DDR1: variants seen among roughly 807,000 people sequenced by gnomAD.
DDR1 encodes the protein discoidin domain receptor tyrosine kinase 1.
DDR1 carries 64 observed loss-of-function variants against 97.4 expected under a neutral mutation model. That is an observed-to-expected ratio of 0.66 (90% CI 0.54 to 0.81). The LOEUF is 0.81. Ranked by LOEUF, DDR1 falls within the 30% of genes least tolerant of loss-of-function variation. The probability of loss-of-function intolerance (pLI) is 0.00; values close to 1 mark genes in which losing one functional copy is unlikely to be tolerated. For synonymous variants in DDR1, 458 were observed against 503.7 expected, an observed-to-expected ratio of 0.91 and a Z score of 1.21; for missense variants, 990 against 1,259.6, an observed-to-expected ratio of 0.79 and a Z score of 3.24.
chr6:30,888,283 A>G lies in DDR1; in HGVS notation c.-42-405A>G, dbSNP rs1371821666. 1 of 168,638 alleles carries G rather than the reference A, an allele frequency of 5.9e-6. No individual in the cohort carries two copies. The highest frequency in any genetic ancestry group is 1.3e-5 in the Non-Finnish European group (1 of 79,454). The allele number at this position is 168,638 out of a possible 1,614,324, so 10.4% of individuals were successfully genotyped here. A position where few individuals can be genotyped will look rare whatever the true frequency, so the allele number is the denominator to read the frequency against. Reference sequence around the variant, plus strand: ...GGGGCCTTAGTTTATTGTAGTTATTAAACCTTTTCCTGTTGTATGTGTTAT... The same window carrying G: ...GGGGCCTTAGTTTATTGTAGTTATTGAACCTTTTCCTGTTGTATGTGTTAT... On this transcript the variant is annotated intron_variant, in intron 1 of 17. Transcript: ENST00000376568. The surrounding 1 kb of genome is among the most constrained non-coding windows in gnomAD (Gnocchi z 4.2).
chr6:30,892,790 TAAA>T (rs1231123197), intron 8 of DDR1: 18 of 587,692 alleles, frequency 3.1e-5, no homozygotes, highest in Non-Finnish European at 5.2e-5. Context: ...TACTGGTTGT[TAAA>T]ATATTGAAAT....
chr6:30,888,663 G>T lies in DDR1; in HGVS notation c.-42-25G>T, dbSNP rs751312505. 23 of 1,595,112 alleles carry T rather than the reference G, an allele frequency of 1.4e-5. No individual in the cohort carries two copies. Among genetic ancestry groups the T allele is most frequent in the Non-Finnish European group, 1.8e-5 (21 of 1,171,156 alleles). On this transcript the variant is annotated intron_variant, in intron 1 of 17. Coordinates refer to ENST00000376568, the MANE Select transcript of DDR1 (RefSeq NM_001297654.2). This position sits in a 1 kb window ranked among gnomAD's most constrained non-coding sequence, Gnocchi z 4.2. ...TGACTCAGTCCCCTGATTAACTTAC[G>T]CACCACCCATTTTATCCCCTGCAGA...
At position 30,899,477 on chromosome 6, in the gene DDR1, C is replaced by T; in HGVS notation, c.*181C>T. 1.5e-6 allele frequency: 1 copy of T among 685,654 alleles called. No individual in the cohort carries two copies. Among genetic ancestry groups the T allele is most frequent in the East Asian group, 2.8e-5 (1 of 36,086 alleles). 42.5% of individuals were successfully genotyped at this position (685,654 alleles called of 1,614,324 possible). ...GGGAGCTGATGCCCCTTCTCCCCTT[C>T]CTGGACACACTCTCATGTCCCCTTC... On this transcript the variant is annotated 3_prime_UTR_variant, in exon 18 of 18. Transcript: ENST00000376568.
Position 30,899,389 on chromosome 6 carries a change from C to A in DDR1, c.*93C>A. The A allele has an allele frequency of 1.3e-6, 2 of 1,483,364 alleles. No individual in the cohort carries two copies. The highest frequency in any genetic ancestry group is 1.4e-5 in the African/African-American group (1 of 71,558). The allele number at this position is 1,483,364 out of a possible 1,614,324, so 91.9% of individuals were successfully genotyped here. On this transcript the variant is annotated 3_prime_UTR_variant, in exon 18 of 18. Coordinates refer to ENST00000376568, the MANE Select transcript of DDR1 (RefSeq NM_001297654.2). ...GACACAATGGCACCTCTGCCCTTCCCCTCCCGACAGCCCATCACCTCTAAT... is the reference window on the plus strand; with the variant it reads ...GACACAATGGCACCTCTGCCCTTCCACTCCCGACAGCCCATCACCTCTAAT...
chr6:30,893,252 G>A lies in DDR1; in HGVS notation c.1196-20G>A, dbSNP rs925145979. ...TAGGGTGGGACCCTCCTGTGGTGCT[G>A]ACCCTGCTGCCTCCACCAGAGCTGG... On this transcript the variant is annotated intron_variant, in intron 9 of 17. Coordinates refer to ENST00000376568, the MANE Select transcript of DDR1 (RefSeq NM_001297654.2). 4.4e-6 allele frequency: 7 copies of A among 1,601,952 alleles called. No homozygotes were observed. The African/African-American group carries it at 5.3e-5, about 12-fold the overall frequency.
At position 30,899,330 on chromosome 6, in the gene DDR1, G is replaced by T; in HGVS notation, c.*34G>T. The T allele has an allele frequency of 6.3e-7, 1 of 1,579,424 alleles. No homozygotes were observed. Among genetic ancestry groups the T allele is most frequent in the Non-Finnish European group, 8.6e-7 (1 of 1,161,158 alleles). ...TCCAGCTGCCCCTCCCTCAGGGAGCGATCCAGGGGAAGCCAGTGACACTAA... is the reference window on the plus strand; with the variant it reads ...TCCAGCTGCCCCTCCCTCAGGGAGCTATCCAGGGGAAGCCAGTGACACTAA... On this transcript the variant is annotated 3_prime_UTR_variant, in exon 18 of 18. Transcript: ENST00000376568.
Position 30,896,963 on chromosome 6 carries a change from G to A in DDR1, c.1870-51G>A, listed in dbSNP as rs540937910. On this transcript the variant is annotated intron_variant, in intron 13 of 17. Coordinates refer to ENST00000376568, the MANE Select transcript of DDR1 (RefSeq NM_001297654.2). Reference sequence around the variant, plus strand: ...AGGAACCTTAGTCATTTGTAACCGTGTTAATCCGTTTGACCCTGTGACCGC... The same window carrying A: ...AGGAACCTTAGTCATTTGTAACCGTATTAATCCGTTTGACCCTGTGACCGC... 1.8e-5 allele frequency: 28 copies of A among 1,590,382 alleles called. No individual in the cohort carries two copies. In the South Asian group the frequency reaches 2.6e-4, roughly 15 times the overall value.
rs758159533 is a variant in DDR1 at position 30,895,481 on chromosome 6, A to G, written c.1591A>G (p.Thr531Ala). 5 of 1,600,292 alleles carry G rather than the reference A, an allele frequency of 3.1e-6. No homozygotes were observed. The highest frequency in any genetic ancestry group is 4.2e-6 in the Non-Finnish European group (5 of 1,176,606). ...ARPPRGPGPP[T>A]PAWAKPTNTQ... is the part of the protein sequence containing the mutation. ...TCCCCCTCGAGGCCCGGGCCCCCCC[A>G]CACCCGCCTGGGCCAAACCCACCAA... The change falls in exon 12 of 18, where the codon ACA (threonine) becomes GCA (alanine). Residue 531 changes from threonine (T) to alanine (A), a missense_variant. Thr to Ala is a moderately conservative substitution (Grantham distance 58). Transcript: ENST00000376568.
rs1188856520 is a variant in DDR1, at chr6:30,889,471, C to T, written c.417+41C>T. 1.4e-6 allele frequency: 2 copies of T among 1,411,118 alleles called. No individual in the cohort carries two copies. The highest frequency in any genetic ancestry group is 1.9e-6 in the Non-Finnish European group (2 of 1,065,558). The allele number at this position is 1,411,118 out of a possible 1,614,324, so 87.4% of individuals were successfully genotyped here. ...GCAGCACCCAGAGGAGGTTGGCTCTCCTCACTTCCAGCTGTACTTTAAACA... is the reference window on the plus strand; with the variant it reads ...GCAGCACCCAGAGGAGGTTGGCTCTTCTCACTTCCAGCTGTACTTTAAACA... On this transcript the variant is annotated intron_variant, in intron 4 of 17. Transcript: ENST00000376568. This position sits in a 1 kb window ranked among gnomAD's most constrained non-coding sequence, Gnocchi z 4.9.
Position 30,891,353 on chromosome 6 carries a change from G to C in DDR1, c.566-27G>C, listed in dbSNP as rs571633263. 1 of 1,576,578 alleles carries C rather than the reference G, an allele frequency of 6.3e-7. No individual in the cohort carries two copies. Among genetic ancestry groups the C allele is most frequent in the Non-Finnish European group, 8.7e-7 (1 of 1,148,544 alleles). On this transcript the variant is annotated intron_variant, in intron 5 of 17. Coordinates refer to ENST00000376568, the MANE Select transcript of DDR1 (RefSeq NM_001297654.2). This position sits in a 1 kb window ranked among gnomAD's most constrained non-coding sequence, Gnocchi z 5.3. ...TGGGGGATGGAGCCTTAGTGCCTCTGACCCCCATCCTCTCACCCTGCCCCA... is the reference window on the plus strand; with the variant it reads ...TGGGGGATGGAGCCTTAGTGCCTCTCACCCCCATCCTCTCACCCTGCCCCA...
chr6:30,899,033 G>C lies in DDR1; in HGVS notation c.2597G>C (p.Arg866Pro). The change falls in exon 17 of 18, where the codon CGG (arginine) becomes CCG (proline). Residue 866 changes from arginine (R) to proline (P), a missense_variant. Coordinates refer to ENST00000376568, the MANE Select transcript of DDR1 (RefSeq NM_001297654.2). ...GGGGAGTTCTTCCGGGACCAGGGCC[G>C]GCAGGTCAGAGTGGAGGAGAGGGAA... is the stretch of plus-strand genomic sequence containing the variant. The part of the protein sequence containing the change: ...NAGEFFRDQG[R>P]QVYLSRPPAC... The C allele has an allele frequency of 1.2e-6, 2 of 1,614,146 alleles. No homozygotes were observed. Among genetic ancestry groups the C allele is most frequent in the Non-Finnish European group, 1.7e-6 (2 of 1,180,008 alleles).
intron 12 of DDR1, 151 bp downstream of exon 12, chr6:30,895,665 C>A: frequency 1.9e-6 from 1 of 520,182 alleles, no homozygotes; most frequent in Non-Finnish European, 3.4e-6. Flanking sequence ...GCCCTTAGCT[C>A]ATCTCTGCTG....
intron 16 of DDR1, 119 bp downstream of exon 16, chr6:30,898,426 C>A (rs1791735086): frequency 2.6e-6 from 2 of 758,602 alleles, no homozygotes; most frequent in South Asian, 1.8e-5. Flanking sequence ...TACAGAATCT[C>A]ATCTATAATA....
rs1792359055 is a variant in DDR1, at chr6:30,899,985, GGGGTTGGACAT to G, written c.*690_*700del. Reference sequence around the variant, plus strand: ...AGAGGGAGCAACGGCCCATAGCCTTGGGGTTGGACATCTCTAGTGTAGCTGCCACATTGATT... The same window carrying G: ...AGAGGGAGCAACGGCCCATAGCCTTGCTCTAGTGTAGCTGCCACATTGATT... On this transcript the variant is annotated 3_prime_UTR_variant, in exon 18 of 18. Transcript: ENST00000376568. 1 of 587,150 alleles carries G rather than the reference GGGGTTGGACAT, an allele frequency of 1.7e-6. No homozygotes were observed. The highest frequency in any genetic ancestry group is 1.8e-5 in the African/African-American group (1 of 55,010). The allele number at this position is 587,150 out of a possible 1,614,324, so 36.4% of individuals were successfully genotyped here. A position where few individuals can be genotyped will look rare whatever the true frequency, so the allele number is the denominator to read the frequency against.
In DDR1 at chr6:30,891,553, G is replaced by GTGTGTT; in HGVS notation, c.665+78_665+79insTTTGTG. On this transcript the variant is annotated intron_variant, in intron 6 of 17. Coordinates refer to ENST00000376568, the MANE Select transcript of DDR1 (RefSeq NM_001297654.2). The surrounding 1 kb of genome is among the most constrained non-coding windows in gnomAD (Gnocchi z 5.3). The stretch of plus-strand genomic sequence containing the variant: ...TGTGTGTGTGTGTGTGTGTGTGTGT[G>GTGTGTT]TGTGAGAGTGTGTGTGTGTAGGGGG... 1.0e-6 allele frequency: 1 copy of GTGTGTT among 955,620 alleles called. No homozygotes were observed. The highest frequency in any genetic ancestry group is 1.6e-6 in the Non-Finnish European group (1 of 623,806). 59.2% of individuals were successfully genotyped at this position (955,620 alleles called of 1,614,324 possible).
Position 30,891,603 on chromosome 6 carries a change from G to C in DDR1, c.665+124G>C. Reference sequence around the variant, plus strand: ...GGCTGGTAAGTAGGGTGGGGAGTGAGATGGAAGAGCTGAGAAGAGGGATGG... The same window carrying C: ...GGCTGGTAAGTAGGGTGGGGAGTGACATGGAAGAGCTGAGAAGAGGGATGG... On this transcript the variant is annotated intron_variant, in intron 6 of 17. Coordinates refer to ENST00000376568, the MANE Select transcript of DDR1 (RefSeq NM_001297654.2). The surrounding 1 kb of genome is among the most constrained non-coding windows in gnomAD (Gnocchi z 5.3). 1.3e-6 allele frequency: 1 copy of C among 741,130 alleles called. No individual in the cohort carries two copies. The highest frequency in any genetic ancestry group is 2.3e-6 in the Non-Finnish European group (1 of 443,618). The allele number at this position is 741,130 out of a possible 1,614,324, so 45.9% of individuals were successfully genotyped here. A position where few individuals can be genotyped will look rare whatever the true frequency, so the allele number is the denominator to read the frequency against.
rs1250038592 is a variant in DDR1, at chr6:30,890,115, C to T, written c.417+685C>T. On this transcript the variant is annotated intron_variant, in intron 4 of 17. Coordinates refer to ENST00000376568, the MANE Select transcript of DDR1 (RefSeq NM_001297654.2). The surrounding 1 kb of genome is among the most constrained non-coding windows in gnomAD (Gnocchi z 5.0). Reference sequence around the variant, plus strand: ...GGAGTCAAATCTCCACCTGGGGGGGCGGCATCCAGTGGACCTTAGAGCATG... The same window carrying T: ...GGAGTCAAATCTCCACCTGGGGGGGTGGCATCCAGTGGACCTTAGAGCATG... Among the ~76,000 whole-genome samples the T allele has an allele frequency of 7.2e-5, 11 of 152,118 alleles. No homozygotes were observed. The highest frequency in any genetic ancestry group is 1.5e-4 in the Non-Finnish European group (10 of 68,012).
chr6:30,893,366 G>C lies in DDR1; in HGVS notation c.1290G>C (p.Leu430=). 6.2e-7 allele frequency: 1 copy of C among 1,608,168 alleles called. No individual in the cohort carries two copies. ...IGCLVAIILL[L]LLIIALMLWR... is the part of the protein sequence containing the mutation. ...GCCTGGTGGCCATCATCCTGCTCCTGCTGCTCATCATTGCCCTCATGCTCT... is the reference window on the plus strand; with the variant it reads ...GCCTGGTGGCCATCATCCTGCTCCTCCTGCTCATCATTGCCCTCATGCTCT... The change falls in exon 10 of 18, where the codon CTG becomes CTC. Residue 430 remains leucine, a synonymous_variant. Transcript: ENST00000376568.
At chr6:30,885,590 A>C (rs1168611808) in intron 1 of DDR1, 13 of 1,397,206 alleles carry the variant, frequency 9.3e-6, no homozygotes, top group Non-Finnish European at 1.1e-5. Context: ...TTTTGGTCAC[A>C]GGAGCATGTG....
Sources: allele counts gnomAD v4.1 joint callset (sites outside exome capture counted in the v4.1 genomes callset), GRCh38; gene constraint gnomAD v4.1.1; non-coding constraint Gnocchi (gnomAD v3.1); transcripts MANE v1.5; gene names NCBI Gene and HGNC (gene_info 2026-07-23, HGNC 2026-07-21).